SMIM17: variants seen among roughly 807,000 people sequenced by gnomAD.
SMIM17 encodes small integral membrane protein 17.
In SMIM17, 10 loss-of-function variants were observed where a neutral mutation model predicts 12.2. The observed-to-expected ratio is 0.82, with a 90% confidence interval of 0.50 to 1.39. SMIM17 has a LOEUF of 1.39. SMIM17 is among the 40% of genes most tolerant of loss of function. The pLI is 0.00. For missense variants in SMIM17, 136 were observed against 118.2 expected, an observed-to-expected ratio of 1.15 and a Z score of -0.70; for synonymous variants, 50 against 44.1, an observed-to-expected ratio of 1.13 and a Z score of -0.53.
chr19:56,654,291 C>G (rs548507600), intron 3 of SMIM17, among the ~76,000 whole-genome samples: 1 of 152,216 alleles, frequency 6.6e-6, no homozygotes, highest in Non-Finnish European at 1.5e-5. Flanking sequence ...GAAGGGCATT[C>G]CAGGAAGAAG....
intron 1 of SMIM17, among the ~76,000 whole-genome samples, chr19:56,644,817 GGCTGGAGT>G (rs2045049516): frequency 6.6e-6 from 1 of 152,192 alleles, no homozygotes; most frequent in Non-Finnish European, 1.5e-5. Flanking sequence ...CTCTTACCCA[GGCTGGAGT>G]GCAGTGGCAC....
chr19:56,646,500 C>G (rs1049255712), intron 2 of SMIM17, among the ~76,000 whole-genome samples: 1 of 152,082 alleles, frequency 6.6e-6, no homozygotes, highest in Non-Finnish European at 1.5e-5. Context: ...AGTAGTGATG[C>G]TGATAAACGT....
rs554436759 is a variant in SMIM17, at chr19:56,655,154, G to T, written c.298G>T (p.Val100Leu). Residue 100 changes from valine to leucine, a missense_variant, in exon 4 of 4, where the codon GTG becomes TTG. Val to Leu is a conservative substitution (Grantham distance 32). Transcript: ENST00000598409. The stretch of plus-strand genomic sequence containing the variant: ...ACAACAAACAACCATAGTCTTGGTA[G>T]TGTGCGTGCTTTTTTTGTTCCTGGT... ...APQQTTIVLV[V>L]CVLFLFLVLT... The T allele has an allele frequency of 3.9e-4, 275 of 702,720 alleles. No homozygotes were observed. Among genetic ancestry groups the T allele is most frequent in the Non-Finnish European group, 6.1e-4 (235 of 384,848 alleles). The allele number at this position is 702,720 out of a possible 1,614,324, so 43.5% of individuals were successfully genotyped here.
chr19:56,646,777 A>G (rs1235882650), intron 2 of SMIM17, among the ~76,000 whole-genome samples: 1 of 152,158 alleles, frequency 6.6e-6, no homozygotes, highest in Non-Finnish European at 1.5e-5. Context: ...AGGAAACGAG[A>G]GGTATCATGA....
Position 56,655,491 on chromosome 19 carries a change from A to G in SMIM17, c.*278A>G. 2.5e-6 allele frequency: 1 copy of G among 396,654 alleles called. No homozygotes were observed. The highest frequency in any genetic ancestry group is 4.4e-6 in the Non-Finnish European group (1 of 224,816). The allele number at this position is 396,654 out of a possible 1,614,324, so 24.6% of individuals were successfully genotyped here. On this transcript the variant is annotated 3_prime_UTR_variant, in exon 4 of 4. Coordinates refer to ENST00000598409, the MANE Select transcript of SMIM17 (RefSeq NM_001193628.2). ...TCATTAAGATGCCACCAACTGGAAG[A>G]TATCTCCTGACTTTGAGAAGATGAA...
intron 3 of SMIM17, among the ~76,000 whole-genome samples, chr19:56,650,881 T>C (rs2045103980): frequency 6.6e-6 from 1 of 152,206 alleles, no homozygotes. Context: ...GACATGCTGC[T>C]TGGGAGAGGC....
intron 3 of SMIM17, among the ~76,000 whole-genome samples, chr19:56,653,312 AG>A (rs1234756269): frequency 2.0e-5 from 3 of 152,248 alleles, no homozygotes; most frequent in Non-Finnish European, 4.4e-5. Flanking sequence ...ATTCCAAAAA[AG>A]GAAATTATGG....
At position 56,650,375 on chromosome 19, in the gene SMIM17, T is replaced by C. The variant is rs79127105; in HGVS notation, c.246+2741T>C. Among the ~76,000 whole-genome samples, 1,443 of 152,232 alleles carry C rather than the reference T, an allele frequency of 9.5e-3. 12 individuals carry two copies. The highest frequency in any genetic ancestry group is 0.015 in the Non-Finnish European group (1,045 of 68,014). On this transcript the variant is annotated intron_variant, in intron 3 of 3. Coordinates refer to ENST00000598409, the MANE Select transcript of SMIM17 (RefSeq NM_001193628.2). ...TTTTAGTAGAAATGGGGTTTCACCA[T>C]GTTGGCCAAGATGGTCTTGATCTCT...
In SMIM17 at chr19:56,645,555, A is replaced by T; in HGVS notation, c.-100-13A>T. 1.0e-6 allele frequency: 1 copy of T among 983,398 alleles called. No homozygotes were observed. Among genetic ancestry groups the T allele is most frequent in the South Asian group, 2.1e-5 (1 of 48,248 alleles). 60.9% of individuals were successfully genotyped at this position (983,398 alleles called of 1,614,324 possible). On this transcript the variant is annotated splice_polypyrimidine_tract_variant and intron_variant, in intron 1 of 3. Coordinates refer to ENST00000598409, the MANE Select transcript of SMIM17 (RefSeq NM_001193628.2). ...CTCTGTAATGATTCACTGAATGATG[A>T]AATGTCCATCAGTCCTCAGGTTCTG...
intron 3 of SMIM17, among the ~76,000 whole-genome samples, 174 bp from the exon 4 acceptor site, chr19:56,654,929 T>C (rs2045137685): frequency 6.6e-6 from 1 of 152,204 alleles, no homozygotes. Flanking sequence ...AGAGCATAGT[T>C]ATGTTACATT....
At chr19:56,646,033 T>C (rs1027353309) in intron 2 of SMIM17, among the ~76,000 whole-genome samples, 197 bp downstream of exon 2, 1 of 152,248 alleles carries the variant, frequency 6.6e-6, no homozygotes, top group Non-Finnish European at 1.5e-5. Context: ...TATCAGCTCA[T>C]GATTCTGTGG....
chr19:56,645,937 A>G (rs2045060155), intron 2 of SMIM17, 101 bp downstream of exon 2: 1 of 1,262,950 alleles, frequency 7.9e-7, no homozygotes. Flanking sequence ...CATCCATTCA[A>G]CAGCTATTCA....
At chr19:56,649,396 C>T (rs1381662489) in intron 3 of SMIM17, among the ~76,000 whole-genome samples, 2 of 152,152 alleles carry the variant, frequency 1.3e-5, no homozygotes, top group African/African-American at 4.8e-5. Flanking sequence ...TGGTCCCTGC[C>T]TTCATGGAGC....
intron 3 of SMIM17, among the ~76,000 whole-genome samples, chr19:56,653,139 G>T (rs1481748689): frequency 6.6e-6 from 1 of 152,178 alleles, no homozygotes; most frequent in Non-Finnish European, 1.5e-5. Flanking sequence ...ATTGAGTGCT[G>T]TCATAATTCT....
chr19:56,649,006 G>A (rs113600577), intron 3 of SMIM17, among the ~76,000 whole-genome samples: 12 of 152,164 alleles, frequency 7.9e-5, no homozygotes, highest in African/African-American at 4.8e-5. Flanking sequence ...GGATGAGGGC[G>A]AGGGAAACAA....
chr19:56,655,921 T>C lies in SMIM17; in HGVS notation c.*708T>C, dbSNP rs1476546626. 6.6e-6 allele frequency among the ~76,000 whole-genome samples: 1 copy of C among 151,816 alleles called. No homozygotes were observed. The highest frequency in any genetic ancestry group is 1.5e-5 in the Non-Finnish European group (1 of 67,998). ...TCAGTTTATTAATACTTTTTACCTC[T>C]TGCATTTATTTTGGCGAATTACAGA... On this transcript the variant is annotated 3_prime_UTR_variant, in exon 4 of 4. Coordinates refer to ENST00000598409, the MANE Select transcript of SMIM17 (RefSeq NM_001193628.2).
intron 3 of SMIM17, among the ~76,000 whole-genome samples, chr19:56,654,470 A>T: frequency 6.6e-6 from 1 of 152,350 alleles, no homozygotes; most frequent in Non-Finnish European, 1.5e-5. Flanking sequence ...AAGATAGATG[A>T]CAGTGGCTTT....
chr19:56,646,021 C>T (rs2045060783), intron 2 of SMIM17, among the ~76,000 whole-genome samples, 185 bp downstream of exon 2: 1 of 152,240 alleles, frequency 6.6e-6, no homozygotes, highest in East Asian at 1.9e-4. Context: ...GCAACAATCA[C>T]TTATCAGCTC....
intron 3 of SMIM17, among the ~76,000 whole-genome samples, chr19:56,651,600 T>C (rs918697442): frequency 3.3e-5 from 5 of 152,228 alleles, no homozygotes; most frequent in Non-Finnish European, 5.9e-5. Context: ...AAATAACCCC[T>C]GGTAAAAGTT....
Sources: allele counts gnomAD v4.1 joint callset (sites outside exome capture counted in the v4.1 genomes callset), GRCh38; gene constraint gnomAD v4.1.1; transcripts MANE v1.5; gene names NCBI Gene and HGNC (gene_info 2026-07-23, HGNC 2026-07-21).